The following SERGEF variants were observed in gnomAD, a reference collection of about 807,000 sequenced individuals.
SERGEF encodes the protein secretion regulating guanine nucleotide exchange factor.
Under a neutral mutation model 50.0 loss-of-function variants are expected in SERGEF, and 51 were observed. That is an observed-to-expected ratio of 1.02 (90% CI 0.81 to 1.29). SERGEF has a LOEUF of 1.29. Ranked by LOEUF, SERGEF falls within the 50% of genes most tolerant of loss-of-function variation. The pLI is 0.00. For missense variants in SERGEF, 521 were observed against 557.0 expected (o/e 0.94, Z 0.65); for synonymous variants, 205 against 212.4 (o/e 0.97, Z 0.30).
At chr11:17,903,979 TCAC>T (rs1339533918) in intron 9 of SERGEF, among the ~76,000 whole-genome samples, 2 of 152,240 alleles carry the variant, frequency 1.3e-5, no homozygotes, top group Non-Finnish European at 2.9e-5. Context: ...CTTGCAGGCA[TCAC>T]CACAAGTGCC....
intron 9 of SERGEF, among the ~76,000 whole-genome samples, chr11:17,931,121 C>T (rs548751759): frequency 6.6e-6 from 1 of 152,198 alleles, no homozygotes; most frequent in South Asian, 2.1e-4. Flanking sequence ...TTGTCACTTG[C>T]TTCTGTATTT....
intron 9 of SERGEF, among the ~76,000 whole-genome samples, chr11:17,942,397 C>T (rs913305793): frequency 6.6e-6 from 1 of 151,886 alleles, no homozygotes; most frequent in African/African-American, 2.4e-5. Flanking sequence ...AAAAAAACTG[C>T]TTTTTAAAAA....
intron 9 of SERGEF, among the ~76,000 whole-genome samples, chr11:17,921,744 AAAGAGACAGAGACC>A (rs1165589089): frequency 6.6e-6 from 1 of 152,198 alleles, no homozygotes; most frequent in African/African-American, 2.4e-5. Flanking sequence ...GGAAGGTGAA[AAAGAGACAGAGACC>A]AAGAGACAGA....
chr11:17,984,936 A>G (rs1853564922), intron 8 of SERGEF, among the ~76,000 whole-genome samples: 1 of 152,232 alleles, frequency 6.6e-6, no homozygotes, highest in Non-Finnish European at 1.5e-5. Flanking sequence ...AAATAAGAAT[A>G]CAAAGAGATG....
chr11:17,873,931 A>C (rs1443283842), intron 10 of SERGEF, among the ~76,000 whole-genome samples: 11 of 152,238 alleles, frequency 7.2e-5, no homozygotes, highest in Non-Finnish European at 4.4e-5. Context: ...TGGTGGAAGC[A>C]CAACAGCTGG....
At chr11:17,907,364 T>C (rs1413905042) in intron 9 of SERGEF, among the ~76,000 whole-genome samples, 1 of 152,200 alleles carries the variant, frequency 6.6e-6, no homozygotes, top group African/African-American at 2.4e-5. Context: ...CTGATGCTAA[T>C]GCTCTATTCT....
At chr11:17,862,314 G>C (rs1850940800) in intron 10 of SERGEF, among the ~76,000 whole-genome samples, 1 of 152,194 alleles carries the variant, frequency 6.6e-6, no homozygotes, top group Non-Finnish European at 1.5e-5. Context: ...GCCTCAAAGT[G>C]AGAGAGCTAG....
At chr11:17,998,678 A>C (rs762950083) in intron 5 of SERGEF, among the ~76,000 whole-genome samples, 15 of 151,368 alleles carry the variant, frequency 9.9e-5, no homozygotes, top group Non-Finnish European at 1.6e-4. Flanking sequence ...AATGCAATAA[A>C]AGTTAAAGGG....
chr11:17,855,601 A>G (rs1850803490), intron 10 of SERGEF: 1 of 152,264 alleles, frequency 6.6e-6, no homozygotes, highest in African/African-American at 2.4e-5. Flanking sequence ...GGATGGAGTG[A>G]CATGGCATGA....
chr11:17,822,912 C>G (rs7106840), intron 10 of SERGEF, among the ~76,000 whole-genome samples: 52,527 of 152,062 alleles, frequency 0.35, 9,304 homozygotes, highest in South Asian at 0.46. Context: ...ATCCCTCCCC[C>G]AGTTTCCCCC....
intron 10 of SERGEF, among the ~76,000 whole-genome samples, chr11:17,806,010 C>T (rs1404593703): frequency 6.6e-6 from 1 of 152,190 alleles, no homozygotes; most frequent in Non-Finnish European, 1.5e-5. Context: ...AAGTCCTGGG[C>T]CACAGGGCAG....
intron 9 of SERGEF, among the ~76,000 whole-genome samples, chr11:17,909,999 C>A (rs1412650984): frequency 1.3e-5 from 2 of 152,132 alleles, no homozygotes; most frequent in Non-Finnish European, 2.9e-5. Flanking sequence ...ATCTCTCATG[C>A]ACTATCATTC....
At chr11:17,929,966 A>G (rs77314145) in intron 9 of SERGEF, among the ~76,000 whole-genome samples, 6,048 of 152,280 alleles carry the variant, frequency 0.04, 383 homozygotes, top group African/African-American at 0.14. Flanking sequence ...GCTAGAATAT[A>G]GTAGGATTCG....
chr11:17,882,045 G>A (rs564969244), intron 9 of SERGEF, among the ~76,000 whole-genome samples: 3 of 152,042 alleles, frequency 2.0e-5, no homozygotes, highest in East Asian at 1.9e-4. Context: ...AGAACATCAC[G>A]CAATTTCAGG....
chr11:17,826,692 A>G (rs536365500), intron 10 of SERGEF, among the ~76,000 whole-genome samples: 16 of 152,346 alleles, frequency 1.1e-4, no homozygotes, highest in African/African-American at 3.8e-4. Context: ...TATGTCATAT[A>G]TATTTTACAA....
At chr11:17,794,510 G>A (rs1479998359) in intron 10 of SERGEF, among the ~76,000 whole-genome samples, 1 of 152,174 alleles carries the variant, frequency 6.6e-6, no homozygotes, top group Non-Finnish European at 1.5e-5. Flanking sequence ...ATTCTAGTCA[G>A]GACTAGAATC....
rs534255589 is a variant in SERGEF, at chr11:18,004,079, C to T, written c.447+362G>A. On this transcript the variant is annotated intron_variant, in intron 4 of 10. Transcript: ENST00000265965. ...TCTACTGGCTAGCACTGGCCTATAC[C>T]ATTTGCCTAGCTTAGTGTCTTTCGA... Among the ~76,000 whole-genome samples, 4 of 152,234 alleles carry T rather than the reference C, an allele frequency of 2.6e-5. No individual in the cohort carries two copies. In the East Asian group the frequency reaches 7.7e-4, roughly 29 times the overall value.
chr11:17,908,544 C>T (rs141405702), intron 9 of SERGEF, among the ~76,000 whole-genome samples: 36 of 152,204 alleles, frequency 2.4e-4, no homozygotes, highest in Non-Finnish European at 4.3e-4. Flanking sequence ...ATGTTTATGC[C>T]ATCACAACCA....
chr11:17,820,015 A>ATTT (rs906501422), intron 10 of SERGEF, among the ~76,000 whole-genome samples: 21 of 150,734 alleles, frequency 1.4e-4, no homozygotes, highest in Admixed American at 9.2e-4. Context: ...TTAAAAAAAA[A>ATTT]TTTTTTTTTG....
Sources: gnomAD v4.1 joint callset for allele counts (sites outside exome capture counted in the v4.1 genomes callset) on GRCh38, gnomAD v4.1.1 for gene constraint, MANE v1.5 for transcripts, NCBI Gene and HGNC (gene_info 2026-07-23, HGNC 2026-07-21) for gene names.